DNAAF1: variants seen among roughly 807,000 people sequenced by gnomAD.
DNAAF1 encodes dynein assembly factor 1, axonemal.
DNAAF1 carries 65 observed loss-of-function variants against 71.1 expected under a neutral mutation model. That is an observed-to-expected ratio of 0.91 (90% CI 0.75 to 1.12). The LOEUF (loss-of-function observed/expected upper bound fraction) is 1.12. Among genes scored for constraint, DNAAF1 ranks in the 50% most tolerant of loss-of-function variants. The pLI is 0.00. For synonymous variants in DNAAF1, 414 were observed against 354.6 expected (o/e 1.17, Z -1.88); for missense variants, 1,178 against 899.8 (o/e 1.31, Z -3.96).
At position 84,146,930 on chromosome 16, in the gene DNAAF1, A is replaced by G. The variant is rs1448193211; in HGVS notation, c.124+1366A>G. ...GGCAACAAATATATCTTAAGCATCA[A>G]CTGTCCAGATGAACCTTGTATGAGG... On this transcript the variant is annotated intron_variant, in intron 1 of 11. Coordinates refer to ENST00000378553, the MANE Select transcript of DNAAF1 (RefSeq NM_178452.6). Among the ~76,000 whole-genome samples, 6 of 152,310 alleles carry G rather than the reference A, an allele frequency of 3.9e-5. No individual in the cohort carries two copies. The East Asian group carries it at 1.2e-3, about 29-fold the overall frequency.
chr16:84,166,132 C>A (rs540913444), intron 7 of DNAAF1, 183 bp downstream of exon 7: 2 of 769,738 alleles, frequency 2.6e-6, no homozygotes, highest in Admixed American at 5.1e-5. Context: ...TGGCTCACTG[C>A]AACTTCTGTC....
intron 5 of DNAAF1, among the ~76,000 whole-genome samples, 154 bp from the exon 6 acceptor site, chr16:84,159,521 C>T (rs757282060): frequency 6.6e-6 from 1 of 152,180 alleles, no homozygotes; most frequent in African/African-American, 2.4e-5. Context: ...GGAAACCTTC[C>T]GATTTCTCCC....
At chr16:84,150,177 G>T in intron 2 of DNAAF1, 74 bp from the exon 3 acceptor site, 2 of 1,155,920 alleles carry the variant, frequency 1.7e-6, no homozygotes, top group Non-Finnish European at 2.6e-6. Context: ...AATGGATGTG[G>T]TAAAGAACTG....
Position 84,145,555 on chromosome 16 carries a change from T to C in DNAAF1, c.115T>C (p.Cys39Arg), listed in dbSNP as rs373512514. 44 of 1,548,140 alleles carry C rather than the reference T, an allele frequency of 2.8e-5. No homozygotes were observed. The African/African-American group carries it at 6.0e-4, about 21-fold the overall frequency. ...GDHGSAGRGG[C>R]KEEINDPKEI... is the part of the protein sequence containing the mutation. ...CCACGGGAGCGCAGGCCGAGGGGGC[T>C]GCAAGGAAGGTGCCGACTGCCCCCC... Residue 39 changes from cysteine to arginine, a missense_variant, in exon 1 of 12, where the codon TGC becomes CGC. Transcript: ENST00000378553.
chr16:84,173,567 C>T (rs564794524), intron 9 of DNAAF1: 1 of 982,120 alleles, frequency 1.0e-6, no homozygotes, highest in African/African-American at 1.7e-5. Context: ...GGTGTGGAGG[C>T]TTACACCTGT....
At chr16:84,150,811 G>A (rs368782676) in intron 3 of DNAAF1, among the ~76,000 whole-genome samples, 2 of 151,954 alleles carry the variant, frequency 1.3e-5, no homozygotes, top group East Asian at 1.9e-4. Flanking sequence ...GCGGGGTTTC[G>A]CCATGTTGGC....
In DNAAF1 at chr16:84,165,117, G is replaced by T. The variant is rs188258599; in HGVS notation, c.864-666G>T. Among the ~76,000 whole-genome samples, 158 of 152,128 alleles carry T rather than the reference G, an allele frequency of 1.0e-3. 2 individuals carry two copies. In the East Asian group the frequency reaches 0.019, roughly 18 times the overall value. On this transcript the variant is annotated intron_variant, in intron 6 of 11. Coordinates refer to ENST00000378553, the MANE Select transcript of DNAAF1 (RefSeq NM_178452.6). ...TTTATTGCGTTGTTTCCTTATCTTT[G>T]AATTTCAAAAGTTCTTTGTATGTTT...
chr16:84,172,750 T>C, intron 9 of DNAAF1: 1 of 1,155,330 alleles, frequency 8.7e-7, no homozygotes. Context: ...TTACATTGTA[T>C]CATCAGTTAC....
Position 84,145,318 on chromosome 16 carries a change from G to C in DNAAF1, c.-123G>C. 6.7e-7 allele frequency: 1 copy of C among 1,483,204 alleles called. No individual in the cohort carries two copies. Among genetic ancestry groups the C allele is most frequent in the African/African-American group, 1.4e-5 (1 of 72,042 alleles). The allele number at this position is 1,483,204 out of a possible 1,614,324, so 91.9% of individuals were successfully genotyped here. On this transcript the variant is annotated 5_prime_UTR_variant, in exon 1 of 12. Transcript: ENST00000378553. ...GGGAAGCGTTGGGCTGTAAAGACTA[G>C]GGCGCCAGCGGCTGGCGAAGAAGGA...
At chr16:84,169,149 C>G (rs1406928153) in intron 7 of DNAAF1, among the ~76,000 whole-genome samples, 2 of 140,128 alleles carry the variant, frequency 1.4e-5, no homozygotes, top group Non-Finnish European at 3.0e-5. Flanking sequence ...CGGTGACTCA[C>G]TGCAACCTCT....
intron 8 of DNAAF1, among the ~76,000 whole-genome samples, chr16:84,170,636 C>T (rs971959592): frequency 2.1e-5 from 3 of 140,976 alleles, no homozygotes; most frequent in African/African-American, 7.4e-5. Context: ...GAGTTTCAGA[C>T]CAGCCTCAGA....
rs370118109 is a variant in DNAAF1, at chr16:84,169,896, C to T, written c.1068C>T (p.Pro356=). ...CTTCAGATGATGGTGAGAATGTGCC[C>T]GCCAGTGCGGAAGGCAAGGAGGAGC... is the stretch of plus-strand genomic sequence containing the variant. ...MTSSDDGENV[P]ASAEGKEEPP... The change falls in exon 8 of 12, where the codon CCC becomes CCT. Residue 356 remains proline, a synonymous_variant. Transcript: ENST00000378553. The T allele has an allele frequency of 4.3e-5, 70 of 1,614,084 alleles. No homozygotes were observed. In the African/African-American group the frequency reaches 6.5e-4, roughly 15 times the overall value.
intron 1 of DNAAF1, among the ~76,000 whole-genome samples, chr16:84,147,572 C>T (rs578251613): frequency 6.6e-6 from 1 of 152,068 alleles, no homozygotes; most frequent in African/African-American, 2.4e-5. Context: ...GATCTTCCTG[C>T]CTCAGCCTCC....
intron 1 of DNAAF1, 36 bp downstream of exon 1, chr16:84,145,600 G>C (rs200309272): frequency 6.5e-7 from 1 of 1,539,862 alleles, no homozygotes; most frequent in Non-Finnish European, 8.7e-7. Flanking sequence ...GGTGGGCGAG[G>C]GGCAGACACG....
chr16:84,155,786 C>A, intron 5 of DNAAF1, 37 bp downstream of exon 5: 1 of 1,610,380 alleles, frequency 6.2e-7, no homozygotes. Context: ...AAAAGCACCA[C>A]AGGAAACCGC....
chr16:84,160,055 G>T (rs1240177209), intron 6 of DNAAF1, among the ~76,000 whole-genome samples: 2 of 152,052 alleles, frequency 1.3e-5, no homozygotes, highest in South Asian at 2.1e-4. Context: ...GGAATTTTTG[G>T]AGTAGTATCA....
At chr16:84,172,818 G>A in intron 9 of DNAAF1, 1 of 1,049,308 alleles carries the variant, frequency 9.5e-7, no homozygotes, top group Non-Finnish European at 1.2e-6. Flanking sequence ...CCAGCAGGTA[G>A]CTTAGGCTCT....
At position 84,155,611 on chromosome 16, in the gene DNAAF1, G is replaced by T; in HGVS notation, c.603G>T (p.Gln201His). Residue 201 changes from glutamine to histidine, a missense_variant, in exon 5 of 12, where the codon CAG becomes CAT. Transcript: ENST00000378553. ...LSCLPVLNTL[Q>H]MAHNHLETVE... ...GCCTCCCAGTCCTGAACACATTGCAGATGGCCCACAATCACCTGGAGACCG... is the reference window on the plus strand; with the variant it reads ...GCCTCCCAGTCCTGAACACATTGCATATGGCCCACAATCACCTGGAGACCG... 6.2e-7 allele frequency: 1 copy of T among 1,614,144 alleles called. No individual in the cohort carries two copies. The highest frequency in any genetic ancestry group is 8.5e-7 in the Non-Finnish European group (1 of 1,180,024).
chr16:84,177,889 C>T lies in DNAAF1; in HGVS notation c.*48C>T, dbSNP rs1471839390. On this transcript the variant is annotated 3_prime_UTR_variant, in exon 12 of 12. Coordinates refer to ENST00000378553, the MANE Select transcript of DNAAF1 (RefSeq NM_178452.6). ...TAAATGGTTTAATCATAAATGTCTC[C>T]CTTAGGCATGATAAACATTTTAACA... The T allele has an allele frequency of 6.8e-7, 1 of 1,480,706 alleles. No homozygotes were observed. The highest frequency in any genetic ancestry group is 9.4e-7 in the Non-Finnish European group (1 of 1,059,000). 91.7% of individuals were successfully genotyped at this position (1,480,706 alleles called of 1,614,324 possible).
Sources: gnomAD v4.1 joint callset for allele counts (sites outside exome capture counted in the v4.1 genomes callset) on GRCh38, gnomAD v4.1.1 for gene constraint, MANE v1.5 for transcripts, NCBI Gene and HGNC (gene_info 2026-07-23, HGNC 2026-07-21) for gene names.